The following DGKB variants were observed in gnomAD, a reference collection of about 807,000 sequenced individuals.
DGKB encodes the protein 90 kDa diacylglycerol kinase.
Under a neutral mutation model 114.3 loss-of-function variants are expected in DGKB, and 67 were observed. The observed-to-expected ratio is 0.59, with a 90% CI of 0.48 to 0.72. DGKB has a LOEUF of 0.72. Ranked by LOEUF, DGKB falls within the 30% of genes least tolerant of loss-of-function variation. The pLI, the probability that DGKB is intolerant of heterozygous loss-of-function variation, is 0.00. For synonymous variants in DGKB, 398 were observed against 323.1 expected, an observed-to-expected ratio of 1.23 and a Z score of -2.49; for missense variants, 907 against 975.2, an observed-to-expected ratio of 0.93 and a Z score of 0.93.
intron 21 of DGKB, among the ~76,000 whole-genome samples, chr7:14,380,969 T>A (rs1206127027): frequency 6.6e-6 from 1 of 151,988 alleles, no homozygotes; most frequent in African/African-American, 2.4e-5. Context: ...ATCCAAGGAG[T>A]TCTTCAAAGT....
chr7:14,636,967 C>A (rs1286014409), intron 13 of DGKB, among the ~76,000 whole-genome samples: 1 of 151,854 alleles, frequency 6.6e-6, no homozygotes, highest in African/African-American at 2.4e-5. Context: ...AATAATACAT[C>A]ATACCACACA....
intron 20 of DGKB, among the ~76,000 whole-genome samples, chr7:14,492,503 G>A (rs562283529): frequency 7.2e-5 from 11 of 152,000 alleles, no homozygotes; most frequent in Non-Finnish European, 1.2e-4. Context: ...TCCATATTTT[G>A]GATTGTTTGA....
At chr7:14,263,462 A>G (rs764517104) in intron 23 of DGKB, among the ~76,000 whole-genome samples, 7 of 152,278 alleles carry the variant, frequency 4.6e-5, no homozygotes, top group South Asian at 2.1e-4. Context: ...TTAGATTGCT[A>G]TTCCTGAAGT....
intron 25 of DGKB, chr7:14,176,313 G>A: frequency 1.1e-6 from 1 of 949,992 alleles, no homozygotes; most frequent in African/African-American, 2.0e-5. Flanking sequence ...TTTTGAGAGG[G>A]GCAGTGTCTG....
rs560794117 is a variant in DGKB at position 14,257,226 on chromosome 7, T to A, written c.2123-79075A>T. ...GAATAGAATTTTATTCTAATTTTTT[T>A]AAAAAATTAGAATAACTCATATTAG... On this transcript the variant is annotated intron_variant, in intron 23 of 25. Coordinates refer to ENST00000402815, the MANE Select transcript of DGKB (RefSeq NM_001350709.2). 7.6e-4 allele frequency among the ~76,000 whole-genome samples: 116 copies of A among 152,244 alleles called. No individual in the cohort carries two copies. In the Middle Eastern group the frequency reaches 0.01, roughly 13 times the overall value.
At chr7:14,335,867 C>T (rs1233008688) in intron 23 of DGKB, among the ~76,000 whole-genome samples, 5 of 152,076 alleles carry the variant, frequency 3.3e-5, no homozygotes, top group South Asian at 2.1e-4. Context: ...GATTGTCCCT[C>T]CTCAGCCTTC....
At chr7:14,216,597 G>A (rs1418058719) in intron 23 of DGKB, among the ~76,000 whole-genome samples, 1 of 151,650 alleles carries the variant, frequency 6.6e-6, no homozygotes, top group African/African-American at 2.4e-5. Context: ...ATAGTGGTGG[G>A]TGCCTGTAAT....
At chr7:14,306,438 CTT>C (rs773847279) in intron 23 of DGKB, among the ~76,000 whole-genome samples, 3 of 151,908 alleles carry the variant, frequency 2.0e-5, no homozygotes, top group Non-Finnish European at 2.9e-5. Flanking sequence ...AATGCTCACT[CTT>C]TTTTTCTGGT....
intron 23 of DGKB, among the ~76,000 whole-genome samples, chr7:14,300,667 C>G (rs1020144050): frequency 6.6e-6 from 1 of 151,914 alleles, no homozygotes; most frequent in Non-Finnish European, 1.5e-5. Flanking sequence ...TAAAGACATG[C>G]CACTTTTGAT....
At chr7:14,914,412 G>A (rs376610171) in intron 1 of DGKB, among the ~76,000 whole-genome samples, 1 of 152,126 alleles carries the variant, frequency 6.6e-6, no homozygotes, top group African/African-American at 2.4e-5. Context: ...CTCTAACTAA[G>A]AAGAAGTTCT....
chr7:14,336,712 G>A lies in DGKB; in HGVS notation c.2122+1803C>T, dbSNP rs541130791. ...TGTTTGTAGTTTCTTCCAAATGTGT[G>A]TTCCTGAAAAAAAATCATACGAAGG... On this transcript the variant is annotated intron_variant, in intron 23 of 25. Coordinates refer to ENST00000402815, the MANE Select transcript of DGKB (RefSeq NM_001350709.2). Among the ~76,000 whole-genome samples, 50 of 152,190 alleles carry A rather than the reference G, an allele frequency of 3.3e-4. No individual in the cohort carries two copies. In the South Asian group the frequency reaches 0.01, roughly 31 times the overall value.
chr7:14,421,111 T>C (rs1443433721), intron 21 of DGKB, among the ~76,000 whole-genome samples: 1 of 152,134 alleles, frequency 6.6e-6, no homozygotes, highest in Non-Finnish European at 1.5e-5. Flanking sequence ...ACATAGCGTA[T>C]AAGCAATGGG....
intron 23 of DGKB, among the ~76,000 whole-genome samples, chr7:14,250,238 G>C (rs1197441900): frequency 6.6e-6 from 1 of 151,572 alleles, no homozygotes; most frequent in African/African-American, 2.4e-5. Flanking sequence ...CAAAGTGCTG[G>C]GATTACAGAC....
At chr7:14,206,861 C>T (rs1301497100) in intron 23 of DGKB, among the ~76,000 whole-genome samples, 1 of 151,914 alleles carries the variant, frequency 6.6e-6, no homozygotes, top group Non-Finnish European at 1.5e-5. Flanking sequence ...GTGAGCCAAT[C>T]TCTGATAGGC....
At chr7:14,371,756 A>G (rs1005687259) in intron 21 of DGKB, among the ~76,000 whole-genome samples, 1 of 152,128 alleles carries the variant, frequency 6.6e-6, no homozygotes, top group Non-Finnish European at 1.5e-5. Context: ...CCCAAGGCCG[A>G]TGTTTCCTAG....
chr7:14,697,646 C>T (rs1487267710), intron 8 of DGKB, among the ~76,000 whole-genome samples: 1 of 139,136 alleles, frequency 7.2e-6, no homozygotes, highest in Non-Finnish European at 1.5e-5. Context: ...TATCAGGGTC[C>T]CAGACAAGAG....
At chr7:14,769,181 AG>A (rs1836979375) in intron 2 of DGKB, among the ~76,000 whole-genome samples, 1 of 125,818 alleles carries the variant, frequency 7.9e-6, no homozygotes, top group Admixed American at 8.5e-5. Flanking sequence ...GGAAAGAGAA[AG>A]GAAAGAAAGA....
chr7:14,734,341 T>C (rs887745576), intron 5 of DGKB, among the ~76,000 whole-genome samples: 1 of 152,086 alleles, frequency 6.6e-6, no homozygotes, highest in African/African-American at 2.4e-5. Flanking sequence ...GTCCGGCCTC[T>C]ATACCAACAA....
intron 2 of DGKB, among the ~76,000 whole-genome samples, chr7:14,787,221 A>C (rs1054974395): frequency 2.6e-5 from 4 of 152,138 alleles, no homozygotes; most frequent in African/African-American, 9.7e-5. Flanking sequence ...TTTATAGCGG[A>C]GTGTGGGGGC....
Sources: allele counts gnomAD v4.1 joint callset (sites outside exome capture counted in the v4.1 genomes callset), GRCh38; gene constraint gnomAD v4.1.1; transcripts MANE v1.5; gene names NCBI Gene and HGNC (gene_info 2026-07-23, HGNC 2026-07-21).